ERBB4: variants seen among roughly 807,000 people sequenced by gnomAD.
ERBB4 encodes receptor tyrosine-protein kinase erbB-4.
Under a neutral mutation model 158.0 loss-of-function variants are expected in ERBB4, and 42 were observed. The ratio of observed to expected loss-of-function variants is 0.27; its 90% CI spans 0.21 to 0.34. The LOEUF is 0.34. Ranked by LOEUF, ERBB4 falls within the 10% of genes least tolerant of loss-of-function variation. The pLI, the probability that ERBB4 is intolerant of heterozygous loss-of-function variation, is 1.00. For synonymous variants in ERBB4, 583 were observed against 558.7 expected (o/e 1.04, Z -0.61); for missense variants, 1,333 against 1,624.1 (o/e 0.82, Z 3.08).
intron 20 of ERBB4, among the ~76,000 whole-genome samples, chr2:211,435,315 T>C (rs944568172): frequency 9.9e-5 from 15 of 152,164 alleles, no homozygotes; most frequent in African/African-American, 1.7e-4. Context: ...GCAACCACAG[T>C]TGACATTGAC....
At chr2:212,276,753 A>T (rs2085551170) in intron 1 of ERBB4, among the ~76,000 whole-genome samples, 4 of 151,842 alleles carry the variant, frequency 2.6e-5, no homozygotes, top group Admixed American at 2.6e-4. Flanking sequence ...CTCTGATTAC[A>T]ATTTTAAACC....
intron 25 of ERBB4, among the ~76,000 whole-genome samples, chr2:211,414,224 C>T (rs1000192325): frequency 1.1e-4 from 16 of 151,986 alleles, no homozygotes; most frequent in African/African-American, 3.4e-4. Context: ...CGTGACCTGG[C>T]GTGGTGGCTC....
intron 1 of ERBB4, among the ~76,000 whole-genome samples, chr2:212,264,900 G>A (rs902698584): frequency 6.6e-6 from 1 of 152,056 alleles, no homozygotes; most frequent in African/African-American, 2.4e-5. Context: ...ATAAACTCTG[G>A]ATAGCTACTG....
chr2:211,972,050 A>T (rs975293594), intron 2 of ERBB4, among the ~76,000 whole-genome samples: 4 of 152,214 alleles, frequency 2.6e-5, no homozygotes, highest in African/African-American at 9.6e-5. Context: ...TAAGCTGACA[A>T]CTTCAGCAAA....
chr2:212,220,794 T>C (rs2083267305), intron 1 of ERBB4, among the ~76,000 whole-genome samples: 1 of 151,472 alleles, frequency 6.6e-6, no homozygotes, highest in Non-Finnish European at 1.5e-5. Context: ...AATGATATAC[T>C]TTCATTGTTC....
intron 1 of ERBB4, among the ~76,000 whole-genome samples, chr2:212,352,388 A>C (rs533294227): frequency 6.6e-6 from 1 of 152,240 alleles, no homozygotes; most frequent in East Asian, 1.9e-4. Flanking sequence ...GAAATAATCA[A>C]GACAAAAATC....
intron 1 of ERBB4, among the ~76,000 whole-genome samples, chr2:212,364,916 T>TGA (rs1423639876): frequency 4.1e-5 from 2 of 49,160 alleles, no homozygotes; most frequent in East Asian, 5.0e-4. Context: ...TGTGTGTGAG[T>TGA]GTGTGTGTGT....
chr2:211,926,389 A>G (rs552559391), intron 3 of ERBB4, among the ~76,000 whole-genome samples: 1 of 152,256 alleles, frequency 6.6e-6, no homozygotes, highest in Admixed American at 6.5e-5. Flanking sequence ...TAGTACTTTT[A>G]CATATACTTC....
At chr2:211,950,956 G>GATTATACATAC (rs377099646) in intron 2 of ERBB4, among the ~76,000 whole-genome samples, 2 of 152,240 alleles carry the variant, frequency 1.3e-5, no homozygotes, top group African/African-American at 4.8e-5. Context: ...CTTAAAGAGA[G>GATTATACATAC]ATTATACATA....
intron 2 of ERBB4, among the ~76,000 whole-genome samples, chr2:212,066,012 C>T (rs1559428611): frequency 6.6e-6 from 1 of 151,842 alleles, no homozygotes; most frequent in Non-Finnish European, 1.5e-5. Flanking sequence ...AAATATCATG[C>T]CAGAAAAAGA....
intron 3 of ERBB4, among the ~76,000 whole-genome samples, chr2:211,859,976 T>G (rs2077970807): frequency 6.6e-6 from 1 of 152,180 alleles, no homozygotes; most frequent in African/African-American, 2.4e-5. Context: ...AGAAAAATTG[T>G]TAATGCAATC....
At chr2:211,492,532 C>A (rs556282687) in intron 20 of ERBB4, among the ~76,000 whole-genome samples, 2 of 151,906 alleles carry the variant, frequency 1.3e-5, no homozygotes, top group Admixed American at 6.6e-5. Context: ...TCATTTAATG[C>A]CGATGAAAAA....
At chr2:212,011,055 T>C (rs752905342) in intron 2 of ERBB4, among the ~76,000 whole-genome samples, 1 of 152,156 alleles carries the variant, frequency 6.6e-6, no homozygotes, top group Non-Finnish European at 1.5e-5. Flanking sequence ...GGTGGACTGA[T>C]TTCATATTGT....
At chr2:211,548,966 A>G (rs2067011279) in intron 20 of ERBB4, among the ~76,000 whole-genome samples, 1 of 152,082 alleles carries the variant, frequency 6.6e-6, no homozygotes, top group South Asian at 2.1e-4. Context: ...ATTTTTAAAG[A>G]TTCACCAGTT....
intron 1 of ERBB4, among the ~76,000 whole-genome samples, chr2:212,273,563 A>G (rs932719994): frequency 2.0e-5 from 3 of 151,820 alleles, no homozygotes; most frequent in Admixed American, 1.3e-4. Context: ...GCAGGCCAGA[A>G]TATTATTACT....
chr2:211,505,171 T>C (rs6741097), intron 20 of ERBB4, among the ~76,000 whole-genome samples: 44,996 of 151,718 alleles, frequency 0.3, 7,243 homozygotes, highest in East Asian at 0.42. Flanking sequence ...AAGCTCAATA[T>C]AAAAGAAAAA....
chr2:212,527,958 G>T (rs1169853456), intron 1 of ERBB4, among the ~76,000 whole-genome samples: 1 of 148,818 alleles, frequency 6.7e-6, no homozygotes, highest in African/African-American at 2.5e-5. Context: ...GTGGTGTTTG[G>T]TTTTTTGTCC....
chr2:211,439,166 G>C (rs915938755), intron 20 of ERBB4, among the ~76,000 whole-genome samples: 2 of 152,082 alleles, frequency 1.3e-5, no homozygotes, highest in Non-Finnish European at 1.5e-5. Context: ...ACACTCCAAT[G>C]CTCTATCTAT....
intron 20 of ERBB4, among the ~76,000 whole-genome samples, chr2:211,436,273 G>A (rs1222386846): frequency 4.4e-4 from 67 of 152,288 alleles, no homozygotes; most frequent in African/African-American, 1.3e-3. Flanking sequence ...CTTTTTGTAA[G>A]TTCACAGGAA....
Sources: gnomAD v4.1 joint callset for allele counts (sites outside exome capture counted in the v4.1 genomes callset) on GRCh38, gnomAD v4.1.1 for gene constraint, MANE v1.5 for transcripts, NCBI Gene and HGNC (gene_info 2026-07-23, HGNC 2026-07-21) for gene names.